The following IKZF1 variants were observed in gnomAD, a reference collection of about 807,000 sequenced individuals.
IKZF1 encodes the protein IKAROS family zinc finger 1.
Under a neutral mutation model 51.7 loss-of-function variants are expected in IKZF1, and 10 were observed. The observed-to-expected ratio is 0.19, with a 90% CI of 0.12 to 0.33. IKZF1 has a LOEUF of 0.33. Ranked by LOEUF, IKZF1 falls within the 10% of genes least tolerant of loss-of-function variation. IKZF1 has a pLI of 1.00. For synonymous variants in IKZF1, 280 were observed against 282.3 expected (o/e 0.99, Z 0.08); for missense variants, 484 against 707.5 (o/e 0.68, Z 3.58).
At chr7:50,385,755 G>A (rs1364601499) in intron 5 of IKZF1, among the ~76,000 whole-genome samples, 4 of 152,176 alleles carry the variant, frequency 2.6e-5, no homozygotes, top group African/African-American at 9.7e-5. Context: ...GGTATCGAGT[G>A]GTTATCTATA....
intron 3 of IKZF1, among the ~76,000 whole-genome samples, chr7:50,331,632 T>A (rs1043011373): frequency 6.6e-5 from 10 of 152,254 alleles, no homozygotes; most frequent in African/African-American, 2.4e-4. Context: ...ATGGTGGAAA[T>A]CAGTTCCCTA....
chr7:50,402,652 C>A lies in IKZF1; in HGVS notation c.*2025C>A, dbSNP rs1042700862. 3 of 230,824 alleles carry A rather than the reference C, an allele frequency of 1.3e-5. No individual in the cohort carries two copies. Among genetic ancestry groups the A allele is most frequent in the Non-Finnish European group, 2.6e-5 (3 of 116,646 alleles). 14.3% of individuals were successfully genotyped at this position (230,824 alleles called of 1,614,324 possible). A position where few individuals can be genotyped will look rare whatever the true frequency, so the allele number is the denominator to read the frequency against. On this transcript the variant is annotated 3_prime_UTR_variant, in exon 8 of 8. Coordinates refer to ENST00000331340, the MANE Select transcript of IKZF1 (RefSeq NM_006060.6). ...TGTTCATGTGGAGTCATTATAAATT[C>A]TATAAATCAATTATTCCCCTTCGGT...
intron 5 of IKZF1, among the ~76,000 whole-genome samples, chr7:50,386,217 T>C (rs76685008): frequency 0.062 from 9,518 of 152,360 alleles, 362 homozygotes; most frequent in South Asian, 0.14. Context: ...AATTCCTGGC[T>C]AGTCTTTCTT....
intron 3 of IKZF1, among the ~76,000 whole-genome samples, chr7:50,363,940 T>G (rs1241114844): frequency 6.6e-6 from 1 of 152,210 alleles, no homozygotes; most frequent in East Asian, 1.9e-4. Context: ...ATTGCCAAGG[T>G]ACCACAAACC....
chr7:50,308,375 G>A (rs1237520480), intron 1 of IKZF1, among the ~76,000 whole-genome samples: 3 of 152,238 alleles, frequency 2.0e-5, no homozygotes, highest in African/African-American at 7.2e-5. Context: ...GTAGTTGCCA[G>A]TGGAGCCTTC....
chr7:50,398,351 C>T (rs1438963786), intron 7 of IKZF1, among the ~76,000 whole-genome samples: 3 of 152,192 alleles, frequency 2.0e-5, no homozygotes, highest in Non-Finnish European at 4.4e-5. Context: ...CCCCTCCTGC[C>T]TACCTCTCGA....
intron 5 of IKZF1, 107 bp from the exon 6 acceptor site, chr7:50,387,238 A>C: frequency 7.2e-7 from 1 of 1,387,860 alleles, no homozygotes; most frequent in Non-Finnish European, 9.5e-7. Flanking sequence ...TCTCAAGGGT[A>C]GAATTTTTTT....
At chr7:50,364,862 G>A (rs1354963013) in intron 3 of IKZF1, among the ~76,000 whole-genome samples, 2 of 152,176 alleles carry the variant, frequency 1.3e-5, no homozygotes, top group Non-Finnish European at 2.9e-5. Flanking sequence ...CTTAGCTGCT[G>A]GACCAGTGAG....
intron 7 of IKZF1, among the ~76,000 whole-genome samples, chr7:50,395,617 ATAG>A (rs1175111764): frequency 2.6e-5 from 4 of 152,214 alleles, no homozygotes; most frequent in Non-Finnish European, 5.9e-5. Flanking sequence ...ATCATAATTC[ATAG>A]TAGTTTAGTT....
chr7:50,347,189 C>T (rs943005384), intron 3 of IKZF1, among the ~76,000 whole-genome samples: 5 of 152,154 alleles, frequency 3.3e-5, no homozygotes, highest in African/African-American at 4.8e-5. Context: ...GCATTCCTGT[C>T]CTTGAGATGC....
intron 4 of IKZF1, among the ~76,000 whole-genome samples, chr7:50,378,716 G>A (rs1190960393): frequency 1.3e-5 from 2 of 152,226 alleles, no homozygotes; most frequent in African/African-American, 4.8e-5. Context: ...ACAAATAGCA[G>A]CTAGGTGCCA....
intron 4 of IKZF1, 105 bp from the exon 5 acceptor site, chr7:50,382,435 C>T (rs745327949): frequency 6.2e-5 from 88 of 1,430,264 alleles, no homozygotes; most frequent in Non-Finnish European, 5.6e-5. Context: ...AACCTGCAGC[C>T]GGTGGAAGTC....
chr7:50,347,126 A>T (rs934158972), intron 3 of IKZF1, among the ~76,000 whole-genome samples: 2 of 152,134 alleles, frequency 1.3e-5, no homozygotes, highest in Admixed American at 6.5e-5. Flanking sequence ...GCCTGTTAAG[A>T]TCTTTTGGAA....
chr7:50,381,398 T>C (rs141861478), intron 4 of IKZF1, among the ~76,000 whole-genome samples: 9 of 152,362 alleles, frequency 5.9e-5, no homozygotes, highest in African/African-American at 1.9e-4. Context: ...AAAGCATTTG[T>C]TTTACAAAAG....
At chr7:50,346,695 G>A (rs1032628456) in intron 3 of IKZF1, among the ~76,000 whole-genome samples, 2 of 152,318 alleles carry the variant, frequency 1.3e-5, no homozygotes, top group East Asian at 3.9e-4. Flanking sequence ...CTCGAAAGGA[G>A]CTCTTCTGTG....
Position 50,382,565 on chromosome 7 carries a change from G to A in IKZF1, c.447G>A (p.Gln149=), listed in dbSNP as rs759038243. ...GAGAACGGCCCTTCCAGTGCAATCA[G>A]TGCGGGGCCTCATTCACCCAGAAGG... The part of the protein sequence containing the change: ...HTGERPFQCN[Q]CGASFTQKGN... Residue 149 remains glutamine (Q), a synonymous_variant, in exon 5 of 8, where the codon CAG becomes CAA. Coordinates refer to ENST00000331340, the MANE Select transcript of IKZF1 (RefSeq NM_006060.6). The A allele has an allele frequency of 6.2e-6, 10 of 1,613,896 alleles. No homozygotes were observed. Among genetic ancestry groups the A allele is most frequent in the Non-Finnish European group, 8.5e-6 (10 of 1,179,872 alleles).
At chr7:50,347,568 A>G (rs1391045942) in intron 3 of IKZF1, among the ~76,000 whole-genome samples, 1 of 152,236 alleles carries the variant, frequency 6.6e-6, no homozygotes, top group Non-Finnish European at 1.5e-5. Context: ...TTGTCTCCCC[A>G]GGAGCCCTCC....
At chr7:50,378,410 T>G (rs1810916958) in intron 4 of IKZF1, among the ~76,000 whole-genome samples, 1 of 152,166 alleles carries the variant, frequency 6.6e-6, no homozygotes. Flanking sequence ...AACATGAAGG[T>G]AGGCTACCCT....
At chr7:50,316,247 T>TAA (rs991307459) in intron 1 of IKZF1, among the ~76,000 whole-genome samples, 13 of 152,092 alleles carry the variant, frequency 8.5e-5, no homozygotes, top group Admixed American at 2.6e-4. Flanking sequence ...CAGAAATTAT[T>TAA]AAAAATTTTG....
Sources: gnomAD v4.1 joint callset for allele counts (sites outside exome capture counted in the v4.1 genomes callset) on GRCh38, gnomAD v4.1.1 for gene constraint, MANE v1.5 for transcripts, NCBI Gene and HGNC (gene_info 2026-07-23, HGNC 2026-07-21) for gene names.